RFX2: variants seen among roughly 807,000 people sequenced by gnomAD.
The protein encoded by RFX2 is DNA-binding protein RFX2.
RFX2 carries 20 observed loss-of-function variants against 87.8 expected under a neutral mutation model. That is an observed-to-expected ratio of 0.23 (90% CI 0.16 to 0.33). The LOEUF (loss-of-function observed/expected upper bound fraction) is 0.33. Ranked by LOEUF, RFX2 falls within the 10% of genes least tolerant of loss-of-function variation. The probability of loss-of-function intolerance (pLI) is 1.00; values close to 1 mark genes in which losing one functional copy is unlikely to be tolerated. For missense variants in RFX2, 767 were observed against 1,012.3 expected (o/e 0.76, Z 3.29); for synonymous variants, 397 against 431.3 (o/e 0.92, Z 0.98).
At chr19:6,038,344 A>C (rs1266819470) in intron 5 of RFX2, among the ~76,000 whole-genome samples, 2 of 150,710 alleles carry the variant, frequency 1.3e-5, no homozygotes, top group Admixed American at 6.6e-5. Flanking sequence ...AAAAAAAAAA[A>C]AAAAAAAACC....
intron 1 of RFX2, among the ~76,000 whole-genome samples, chr19:6,067,110 T>G (rs919945222): frequency 2.0e-5 from 3 of 152,202 alleles, no homozygotes. Flanking sequence ...GGGATTTCAA[T>G]CCTTCCTAGT....
chr19:6,096,151 C>T (rs771937866), intron 1 of RFX2, among the ~76,000 whole-genome samples: 3 of 152,206 alleles, frequency 2.0e-5, no homozygotes, highest in East Asian at 3.8e-4. Context: ...AAAGGCACTG[C>T]TCAAATAAAA....
At chr19:6,059,772 T>A (rs1166793516) in intron 1 of RFX2, among the ~76,000 whole-genome samples, 1 of 152,092 alleles carries the variant, frequency 6.6e-6, no homozygotes, top group African/African-American at 2.4e-5. Flanking sequence ...CATACATGTA[T>A]ACACAAAAGT....
At chr19:6,086,091 C>CAAAA (rs11340459) in intron 1 of RFX2, among the ~76,000 whole-genome samples, 3 of 59,438 alleles carry the variant, frequency 5.0e-5, no homozygotes, top group African/African-American at 6.9e-5. Flanking sequence ...GATCCTGTCT[C>CAAAA]AAAAAAAAAA....
At chr19:6,081,862 C>G (rs2087790001) in intron 1 of RFX2, among the ~76,000 whole-genome samples, 1 of 152,144 alleles carries the variant, frequency 6.6e-6, no homozygotes, top group Admixed American at 6.6e-5. Context: ...CCGAGGCGGG[C>G]AGATCATGAG....
At chr19:6,106,018 C>G (rs986135973) in intron 1 of RFX2, among the ~76,000 whole-genome samples, 1 of 152,184 alleles carries the variant, frequency 6.6e-6, no homozygotes, top group African/African-American at 2.4e-5. Context: ...GCTTCCCAGG[C>G]TCCAGTTCCC....
chr19:6,010,049 A>G lies in RFX2; in HGVS notation c.1015+87T>C. 1 of 756,986 alleles carries G rather than the reference A, an allele frequency of 1.3e-6. No individual in the cohort carries two copies. The highest frequency in any genetic ancestry group is 2.7e-5 in the East Asian group (1 of 36,652). The allele number at this position is 756,986 out of a possible 1,614,324, so 46.9% of individuals were successfully genotyped here. A position where few individuals can be genotyped will look rare whatever the true frequency, so the allele number is the denominator to read the frequency against. ...AGAAAACTGTCGGAAGCAGACGCTT[A>G]GACACCACTGGTTCTGCTGGTGTTG... On this transcript the variant is annotated intron_variant, in intron 9 of 17. Coordinates refer to ENST00000303657, the MANE Select transcript of RFX2 (RefSeq NM_000635.4). This position sits in a 1 kb window ranked among gnomAD's most constrained non-coding sequence, Gnocchi z 5.0.
intron 7 of RFX2, among the ~76,000 whole-genome samples, chr19:6,015,017 G>A (rs1240433523): frequency 1.3e-5 from 2 of 152,196 alleles, no homozygotes. Flanking sequence ...AGGTGCTGCT[G>A]TTTCTTTCTG....
intron 17 of RFX2, 80 bp downstream of exon 17, chr19:5,995,521 T>C: frequency 7.3e-7 from 1 of 1,365,600 alleles, no homozygotes; most frequent in Non-Finnish European, 1.0e-6. Flanking sequence ...CTGTTCATCA[T>C]GAGATGGGGC....
chr19:6,033,629 A>C (rs113958185), intron 5 of RFX2, among the ~76,000 whole-genome samples: 3,335 of 151,460 alleles, frequency 0.022, 143 homozygotes, highest in African/African-American at 0.077. Flanking sequence ...AAAAAAAAAA[A>C]AAAAAAACCC....
chr19:6,081,470 A>G (rs2087784618), intron 1 of RFX2, among the ~76,000 whole-genome samples: 1 of 152,294 alleles, frequency 6.6e-6, no homozygotes, highest in Non-Finnish European at 1.5e-5. Flanking sequence ...GCATTTAGTT[A>G]ACATGAAAGT....
In RFX2 at chr19:6,038,298, G is replaced by C. The variant is rs76022077; in HGVS notation, c.522+1682C>G. On this transcript the variant is annotated intron_variant, in intron 5 of 17. Transcript: ENST00000303657. ...GCCAAGATGGTGCCACTGCACTCCAGCCTGAGTCACAGAGCAAGACTCCGT... is the reference window on the plus strand; with the variant it reads ...GCCAAGATGGTGCCACTGCACTCCACCCTGAGTCACAGAGCAAGACTCCGT... Among the ~76,000 whole-genome samples, 1,807 of 116,740 alleles carry C rather than the reference G, an allele frequency of 0.015. 24 individuals are homozygous for C. The Middle Eastern group carries it at 0.16, about 10-fold the overall frequency. The allele number at this position is 116,740 out of a possible 152,430, so 76.6% of individuals were successfully genotyped here. A position where few individuals can be genotyped will look rare whatever the true frequency, so the allele number is the denominator to read the frequency against.
Position 6,001,426 on chromosome 19 carries a change from TAA to T in RFX2, c.1859+387_1859+388del, listed in dbSNP as rs1479977578. ...ACAGGCACATGCCACCACGTCCAGC[TAA>T]GTTTTTTTACTTTTTGTAGAGGTCC... On this transcript the variant is annotated intron_variant, in intron 15 of 17. Coordinates refer to ENST00000303657, the MANE Select transcript of RFX2 (RefSeq NM_000635.4). This position sits in a 1 kb window ranked among gnomAD's most constrained non-coding sequence, Gnocchi z 5.6. Among the ~76,000 whole-genome samples, 1 of 152,200 alleles carries T rather than the reference TAA, an allele frequency of 6.6e-6. No homozygotes were observed. Among genetic ancestry groups the T allele is most frequent in the Non-Finnish European group, 1.5e-5 (1 of 68,032 alleles).
chr19:6,084,999 A>T (rs2087836909), intron 1 of RFX2, among the ~76,000 whole-genome samples: 1 of 152,202 alleles, frequency 6.6e-6, no homozygotes, highest in Non-Finnish European at 1.5e-5. Context: ...ATAATGCATA[A>T]TGTCCATGTT....
In RFX2 at chr19:6,047,636, G is replaced by A; in HGVS notation, c.-8-132C>T. 1.4e-6 allele frequency: 1 copy of A among 722,852 alleles called. No individual in the cohort carries two copies. The highest frequency in any genetic ancestry group is 2.4e-6 in the Non-Finnish European group (1 of 422,798). The allele number at this position is 722,852 out of a possible 1,614,324, so 44.8% of individuals were successfully genotyped here. ...TCAAAGTCGAAAGGCAGAGACCCTG[G>A]TGGTACTGCCTAAGTGAGGAGCTGC... On this transcript the variant is annotated intron_variant, in intron 1 of 17. Coordinates refer to ENST00000303657, the MANE Select transcript of RFX2 (RefSeq NM_000635.4). The surrounding 1 kb of genome is among the most constrained non-coding windows in gnomAD (Gnocchi z 4.2).
At chr19:6,076,503 A>T (rs2087694489) in intron 1 of RFX2, among the ~76,000 whole-genome samples, 1 of 152,148 alleles carries the variant, frequency 6.6e-6, no homozygotes, top group African/African-American at 2.4e-5. Flanking sequence ...TAGCTGGGTG[A>T]CCTCAGCCAG....
At position 5,997,077 on chromosome 19, in the gene RFX2, T is replaced by A; in HGVS notation, c.1996A>T (p.Ile666Phe). ...RVAEATGETPIAVMGEFNDLA... is the reference protein window; with the variant it reads ...RVAEATGETPFAVMGEFNDLA... ...GTCCTCACCTCTCCCATCACAGCGA[T>A]CGGCGTCTCTCCGGTGGCCTCCGCG... The change falls in exon 16 of 18, where the codon ATC (isoleucine) becomes TTC (phenylalanine). Residue 666 changes from isoleucine to phenylalanine, a missense_variant. Physicochemically the swap from Ile to Phe is conservative, Grantham distance 21 (BLOSUM62 0). This residue lies in a region of RFX2 where 621 missense variants were observed against 873.0 expected (regional missense o/e 0.71). Transcript: ENST00000303657. This position sits in a 1 kb window ranked among gnomAD's most constrained non-coding sequence, Gnocchi z 4.2. The A allele has an allele frequency of 1.2e-6, 2 of 1,611,978 alleles. No homozygotes were observed. Among genetic ancestry groups the A allele is most frequent in the Non-Finnish European group, 1.7e-6 (2 of 1,179,788 alleles).
At chr19:6,086,278 C>A (rs148286159) in intron 1 of RFX2, among the ~76,000 whole-genome samples, 2 of 152,138 alleles carry the variant, frequency 1.3e-5, no homozygotes, top group Non-Finnish European at 2.9e-5. Context: ...CTCAGCAATG[C>A]AACCTCAGGC....
chr19:6,004,344 T>G lies in RFX2; in HGVS notation c.1403-46A>C. The G allele has an allele frequency of 6.7e-7, 1 of 1,487,184 alleles. No homozygotes were observed. Among genetic ancestry groups the G allele is most frequent in the Non-Finnish European group, 9.4e-7 (1 of 1,064,612 alleles). 92.1% of individuals were successfully genotyped at this position (1,487,184 alleles called of 1,614,324 possible). On this transcript the variant is annotated intron_variant, in intron 12 of 17. Transcript: ENST00000303657. This position sits in a 1 kb window ranked among gnomAD's most constrained non-coding sequence, Gnocchi z 4.8. ...TATTACCAGGGAGAAAGGCAGTGAC[T>G]GGACCCTGGAAATCAGCATTCAGTG...
Sources: allele counts gnomAD v4.1 joint callset (sites outside exome capture counted in the v4.1 genomes callset), GRCh38; gene constraint gnomAD v4.1.1; regional missense constraint gnomAD v4.1.1; non-coding constraint Gnocchi (gnomAD v3.1); transcripts MANE v1.5; gene names NCBI Gene and HGNC (gene_info 2026-07-23, HGNC 2026-07-21).